The following SH3BP2 variants were observed in gnomAD, a reference collection of about 807,000 sequenced individuals.
SH3BP2 encodes SH3 domain binding protein 2.
SH3BP2 carries 38 observed loss-of-function variants against 56.2 expected under a neutral mutation model. The ratio of observed to expected loss-of-function variants is 0.68; its 90% confidence interval spans 0.52 to 0.89. The LOEUF is 0.89. Among genes scored for constraint, SH3BP2 ranks in the 40% least tolerant of loss-of-function variants. SH3BP2 has a pLI of 0.00. For missense variants in SH3BP2, 748 were observed against 762.6 expected, an observed-to-expected ratio of 0.98 and a Z score of 0.23; for synonymous variants, 346 against 316.7, an observed-to-expected ratio of 1.09 and a Z score of -0.98.
chr4:2,833,560 G>GCCGACAGCCAC, intron 12 of SH3BP2, 137 bp from the exon 13 acceptor site: 1 of 1,122,148 alleles, frequency 8.9e-7, no homozygotes, highest in South Asian at 1.4e-5. Flanking sequence ...CACCTTGGGG[G>GCCGACAGCCAC]CACCACCGAC....
chr4:2,818,454 C>T lies in SH3BP2; in HGVS notation c.-4-2160C>T, dbSNP rs1724113087. Reference sequence around the variant, plus strand: ...GGCCGCGAGCTTCCGGCTCTGGACCCCGCACCCCGAGCCCCTGGACCAGGG... The same window carrying T: ...GGCCGCGAGCTTCCGGCTCTGGACCTCGCACCCCGAGCCCCTGGACCAGGG... On this transcript the variant is annotated intron_variant, in intron 1 of 12. Coordinates refer to ENST00000503393, the MANE Select transcript of SH3BP2 (RefSeq NM_001122681.2). The T allele has an allele frequency of 4.3e-6, 4 of 934,242 alleles. No homozygotes were observed. The African/African-American group carries it at 7.0e-5, about 16-fold the overall frequency. The allele number at this position is 934,242 out of a possible 1,614,324, so 57.9% of individuals were successfully genotyped here. A position where few individuals can be genotyped will look rare whatever the true frequency, so the allele number is the denominator to read the frequency against.
rs1349457803 is a variant in SH3BP2 at position 2,831,962 on chromosome 4, T to C, written c.1390T>C (p.Ser464Pro). Reference sequence around the variant, plus strand: ...CTCGGTCTTCGTCAACACCACGGAGTCCTGCGAAGTGGAAAGGTCAGCACA... The same window carrying C: ...CTCGGTCTTCGTCAACACCACGGAGCCCTGCGAAGTGGAAAGGTCAGCACA... ...PNSVFVNTTE[S>P]CEVERLFKAT... The change falls in exon 10 of 13, where the codon TCC (serine) becomes CCC (proline). Residue 464 changes from serine (S) to proline (P), a missense_variant. Coordinates refer to ENST00000503393, the MANE Select transcript of SH3BP2 (RefSeq NM_001122681.2). The surrounding 1 kb of genome is among the most constrained non-coding windows in gnomAD (Gnocchi z 4.1). The C allele has an allele frequency of 6.2e-7, 1 of 1,612,944 alleles. No individual in the cohort carries two copies. The highest frequency in any genetic ancestry group is 1.1e-5 in the South Asian group (1 of 91,068).
chr4:2,825,472 A>G (rs991445010), intron 5 of SH3BP2, among the ~76,000 whole-genome samples: 1 of 144,414 alleles, frequency 6.9e-6, no homozygotes, highest in Non-Finnish European at 1.6e-5. Context: ...CAACACGTGG[A>G]CATGCGCACA....
At chr4:2,833,189 C>A in intron 12 of SH3BP2, 140 bp downstream of exon 12, 1 of 755,936 alleles carries the variant, frequency 1.3e-6, no homozygotes. Flanking sequence ...TCCCCTCCAC[C>A]ATCGCTCACC....
chr4:2,814,166 G>A (rs932764993), intron 1 of SH3BP2, among the ~76,000 whole-genome samples: 20 of 152,248 alleles, frequency 1.3e-4, no homozygotes, highest in Non-Finnish European at 2.1e-4. Context: ...TCATGTGCAC[G>A]TCCTGTGTGA....
rs144577122 is a variant in SH3BP2 at position 2,833,015 on chromosome 4, C to G, written c.1514C>G (p.Ser505Cys). The stretch of plus-strand genomic sequence containing the variant: ...GTCCTGGTTGTGTGGGACGAAACCT[C>G]TAACAAAGTGAGGAACTATCGCATT... Reference protein sequence around the residue: ...GKVLVVWDETSNKVRNYRIFE... With the variant: ...GKVLVVWDETCNKVRNYRIFE... Residue 505 changes from serine to cysteine, a missense_variant, in exon 12 of 13, where the codon TCT becomes TGT. Coordinates refer to ENST00000503393, the MANE Select transcript of SH3BP2 (RefSeq NM_001122681.2). 5.4e-4 allele frequency: 875 copies of G among 1,614,250 alleles called. No individual in the cohort carries two copies. In the African/African-American group the frequency reaches 9.3e-3, roughly 17 times the overall value.
At chr4:2,820,260 G>C (rs2108725533) in intron 1 of SH3BP2, among the ~76,000 whole-genome samples, 1 of 152,336 alleles carries the variant, frequency 6.6e-6, no homozygotes, top group African/African-American at 2.4e-5. Flanking sequence ...ACTTACCTGG[G>C]CTGGCAGTTT....
intron 1 of SH3BP2, chr4:2,812,623 A>C: frequency 1.9e-6 from 2 of 1,065,644 alleles, no homozygotes; most frequent in Non-Finnish European, 2.7e-6. Context: ...GAGCCTGCAA[A>C]AGGCAACAGG....
chr4:2,802,404 ATGTGTGTGTGTGTG>A (rs1175501543), intron 1 of SH3BP2, among the ~76,000 whole-genome samples: 13 of 135,898 alleles, frequency 9.6e-5, no homozygotes, highest in African/African-American at 3.4e-4. Flanking sequence ...AAAAAAATAT[ATGTGTGTGTGTGTG>A]TGTGTGTGTG....
At chr4:2,807,053 C>G (rs1214042036) in intron 1 of SH3BP2, among the ~76,000 whole-genome samples, 1 of 152,248 alleles carries the variant, frequency 6.6e-6, no homozygotes, top group Non-Finnish European at 1.5e-5. Context: ...CTCTGTGAAG[C>G]CCCTGGGGCC....
At chr4:2,804,286 C>A (rs953041009) in intron 1 of SH3BP2, among the ~76,000 whole-genome samples, 4 of 152,220 alleles carry the variant, frequency 2.6e-5, no homozygotes, top group African/African-American at 9.6e-5. Context: ...GGTCCAGCAG[C>A]TCCGGGACTG....
At position 2,836,512 on chromosome 4, in the gene SH3BP2, C is replaced by G. The variant is rs1560116903; in HGVS notation, c.*2678C>G. 1.3e-5 allele frequency: 2 copies of G among 152,244 alleles called. No individual in the cohort carries two copies. Among genetic ancestry groups the G allele is most frequent in the Admixed American group, 6.5e-5 (1 of 15,290 alleles). The allele number at this position is 152,244 out of a possible 1,614,324, so 9.4% of individuals were successfully genotyped here. On this transcript the variant is annotated 3_prime_UTR_variant, in exon 13 of 13. Transcript: ENST00000503393. ...GTCTCACAGAGGCCTGGGTTCAAGT[C>G]CCACCTCTGCCACTAACTGGCATGT...
In SH3BP2 at chr4:2,806,193, C is replaced by T. The variant is rs147421151; in HGVS notation, c.-5+13055C>T. 2.6e-5 allele frequency among the ~76,000 whole-genome samples: 4 copies of T among 152,336 alleles called. No homozygotes were observed. In the East Asian group the frequency reaches 5.8e-4, roughly 22 times the overall value. On this transcript the variant is annotated intron_variant, in intron 1 of 12. Coordinates refer to ENST00000503393, the MANE Select transcript of SH3BP2 (RefSeq NM_001122681.2). Reference sequence around the variant, plus strand: ...GCCTGCCAAGGTCACATGCATAGAGCGGCCCTCTCTGGTGGGAGCCACTGG... The same window carrying T: ...GCCTGCCAAGGTCACATGCATAGAGTGGCCCTCTCTGGTGGGAGCCACTGG...
intron 1 of SH3BP2, among the ~76,000 whole-genome samples, chr4:2,798,157 G>A (rs1436017091): frequency 4.0e-5 from 6 of 151,706 alleles, no homozygotes; most frequent in Admixed American, 6.6e-5. Flanking sequence ...CCCTGGCAGC[G>A]GTAGATAGGG....
Position 2,810,526 on chromosome 4 carries a change from C to T in SH3BP2, c.-4-10088C>T, listed in dbSNP as rs571314978. Reference sequence around the variant, plus strand: ...CCTGCCCAGTAAGGGGTGGCGTGTTCCTGAGAGCGCCGGCTGCCTCTGGGT... The same window carrying T: ...CCTGCCCAGTAAGGGGTGGCGTGTTTCTGAGAGCGCCGGCTGCCTCTGGGT... On this transcript the variant is annotated intron_variant, in intron 1 of 12. Transcript: ENST00000503393. This position sits in a 1 kb window ranked among gnomAD's most constrained non-coding sequence, Gnocchi z 4.2. Among the ~76,000 whole-genome samples the T allele has an allele frequency of 6.4e-4, 96 of 150,022 alleles. No homozygotes were observed. The highest frequency in any genetic ancestry group is 1.1e-3 in the Non-Finnish European group (72 of 67,932).
intron 5 of SH3BP2, among the ~76,000 whole-genome samples, chr4:2,826,072 G>A (rs1026822471): frequency 7.2e-5 from 11 of 152,236 alleles, no homozygotes; most frequent in South Asian, 4.1e-4. Flanking sequence ...GTTCAGCCTC[G>A]GGCCCAGCCC....
rs1282557971 is a variant in SH3BP2, at chr4:2,831,553, C to T, written c.1242-18C>T. 5 of 1,550,576 alleles carry T rather than the reference C, an allele frequency of 3.2e-6. No homozygotes were observed. Among genetic ancestry groups the T allele is most frequent in the South Asian group, 1.2e-5 (1 of 84,792 alleles). Reference sequence around the variant, plus strand: ...CTGACAGTGAAATGGTCCTGCCTTCCTCTCCCTGCCCCTCCAGGCGATCAC... The same window carrying T: ...CTGACAGTGAAATGGTCCTGCCTTCTTCTCCCTGCCCCTCCAGGCGATCAC... On this transcript the variant is annotated intron_variant, in intron 8 of 12. Coordinates refer to ENST00000503393, the MANE Select transcript of SH3BP2 (RefSeq NM_001122681.2). This position sits in a 1 kb window ranked among gnomAD's most constrained non-coding sequence, Gnocchi z 4.1.
chr4:2,821,170 C>T (rs1346281645), intron 2 of SH3BP2, among the ~76,000 whole-genome samples: 3 of 152,328 alleles, frequency 2.0e-5, no homozygotes, highest in African/African-American at 7.2e-5. Flanking sequence ...GGCTCTGGCC[C>T]CCAGGACAGC....
chr4:2,802,793 G>A (rs1723365754), intron 1 of SH3BP2, among the ~76,000 whole-genome samples: 1 of 152,140 alleles, frequency 6.6e-6, no homozygotes, highest in African/African-American at 2.4e-5. Flanking sequence ...CTCAAGTGCT[G>A]AAATGAGTGG....
Sources: allele counts gnomAD v4.1 joint callset (sites outside exome capture counted in the v4.1 genomes callset), GRCh38; gene constraint gnomAD v4.1.1; non-coding constraint Gnocchi (gnomAD v3.1); transcripts MANE v1.5; gene names NCBI Gene and HGNC (gene_info 2026-07-23, HGNC 2026-07-21).